GRID2: variants seen among roughly 807,000 people sequenced by gnomAD.
GRID2 encodes the protein glutamate receptor ionotropic, delta-2.
In GRID2, 33 loss-of-function variants were observed where a neutral mutation model predicts 114.8. The observed-to-expected ratio is 0.29, with a 90% CI of 0.22 to 0.38. The LOEUF (loss-of-function observed/expected upper bound fraction) is 0.38, where lower values mean the gene tolerates loss of function less well. Among genes scored for constraint, GRID2 ranks in the 10% least tolerant of loss-of-function variants. GRID2 has a pLI of 1.00. For missense variants in GRID2, 1,184 were observed against 1,257.7 expected, an observed-to-expected ratio of 0.94 and a Z score of 0.89; for synonymous variants, 505 against 449.9, an observed-to-expected ratio of 1.12 and a Z score of -1.55.
At chr4:92,430,539 T>A (rs1187703589) in intron 1 of GRID2, among the ~76,000 whole-genome samples, 1 of 152,108 alleles carries the variant, frequency 6.6e-6, no homozygotes, top group African/African-American at 2.4e-5. Context: ...AGTCAGGTGA[T>A]GTGATTTTTA....
intron 11 of GRID2, among the ~76,000 whole-genome samples, chr4:93,470,446 G>A (rs1269914449): frequency 6.6e-6 from 1 of 152,118 alleles, no homozygotes; most frequent in Non-Finnish European, 1.5e-5. Flanking sequence ...TGACAGCGAT[G>A]CAATTTAATC....
intron 2 of GRID2, among the ~76,000 whole-genome samples, chr4:92,728,850 A>G (rs961576312): frequency 4.1e-5 from 6 of 146,834 alleles, no homozygotes; most frequent in African/African-American, 1.2e-4. Flanking sequence ...GAAGATGAGC[A>G]TACAAAGATA....
At chr4:92,387,336 T>C (rs533447530) in intron 1 of GRID2, among the ~76,000 whole-genome samples, 25 of 152,130 alleles carry the variant, frequency 1.6e-4, no homozygotes, top group African/African-American at 6.0e-4. Flanking sequence ...TTTTATTGTG[T>C]CTAAGAGATG....
At chr4:93,291,767 G>A (rs1387051423) in intron 8 of GRID2, among the ~76,000 whole-genome samples, 2 of 151,778 alleles carry the variant, frequency 1.3e-5, no homozygotes, top group Non-Finnish European at 2.9e-5. Flanking sequence ...GTGTGCACGT[G>A]TTTTCTTTTT....
At chr4:92,978,318 T>A (rs1434567764) in intron 2 of GRID2, among the ~76,000 whole-genome samples, 2 of 151,276 alleles carry the variant, frequency 1.3e-5, no homozygotes, top group Non-Finnish European at 3.0e-5. Flanking sequence ...TTTTCCACAG[T>A]TTGATTTCTA....
chr4:93,164,027 C>G (rs1738012533), intron 4 of GRID2, among the ~76,000 whole-genome samples: 1 of 151,968 alleles, frequency 6.6e-6, no homozygotes, highest in South Asian at 2.1e-4. Context: ...AGTTAGTTCT[C>G]TTTATCCATG....
intron 4 of GRID2, among the ~76,000 whole-genome samples, chr4:93,124,924 A>G (rs1734134459): frequency 6.6e-6 from 1 of 152,178 alleles, no homozygotes; most frequent in Non-Finnish European, 1.5e-5. Flanking sequence ...TCATGAACAT[A>G]GAGGTCCTTT....
intron 8 of GRID2, among the ~76,000 whole-genome samples, chr4:93,252,329 A>ATTTTTTTTTTTT (rs56056248): frequency 8.4e-6 from 1 of 119,760 alleles, no homozygotes; most frequent in African/African-American, 3.2e-5. Flanking sequence ...GGAATCCTTC[A>ATTTTTTTTTTTT]TTTTTTTTTT....
intron 2 of GRID2, among the ~76,000 whole-genome samples, chr4:92,802,528 C>T (rs555146272): frequency 6.6e-6 from 1 of 151,942 alleles, no homozygotes; most frequent in East Asian, 1.9e-4. Context: ...ATATCATAAT[C>T]ATTGTTGCTG....
At chr4:93,104,808 T>C (rs1732044525) in intron 3 of GRID2, among the ~76,000 whole-genome samples, 1 of 152,204 alleles carries the variant, frequency 6.6e-6, no homozygotes, top group African/African-American at 2.4e-5. Context: ...TTTACAGTCC[T>C]TTGGGTATAT....
intron 13 of GRID2, among the ~76,000 whole-genome samples, chr4:93,535,078 AT>A (rs1017737828): frequency 1.1e-4 from 16 of 151,526 alleles, no homozygotes; most frequent in Non-Finnish European, 2.2e-4. Context: ...TATGAGTTTA[AT>A]TTTTTTTAGA....
At position 92,523,741 on chromosome 4, in the gene GRID2, G is replaced by A. The variant is rs555989905; in HGVS notation, c.89-66390G>A. Among the ~76,000 whole-genome samples, 382 of 152,142 alleles carry A rather than the reference G, an allele frequency of 2.5e-3. 3 individuals are homozygous for A. Among genetic ancestry groups the A allele is most frequent in the Non-Finnish European group, 4.6e-3 (313 of 67,972 alleles). On this transcript the variant is annotated intron_variant, in intron 1 of 15. Coordinates refer to ENST00000282020, the MANE Select transcript of GRID2 (RefSeq NM_001510.4). ...CAGAGGGACGCAGGTGGAAGTAGAA[G>A]GACACAGAAGTGGGCTGTGTACAGA...
At chr4:93,728,869 C>A (rs1359323402) in intron 14 of GRID2, among the ~76,000 whole-genome samples, 5 of 152,000 alleles carry the variant, frequency 3.3e-5, no homozygotes, top group Admixed American at 2.0e-4. Flanking sequence ...TTATTTTGAG[C>A]CTATGTGTGT....
At chr4:93,679,610 C>G (rs1056868058) in intron 14 of GRID2, among the ~76,000 whole-genome samples, 2 of 150,980 alleles carry the variant, frequency 1.3e-5, no homozygotes, top group Non-Finnish European at 2.9e-5. Context: ...AACTAGAACT[C>G]AGGATTAAGA....
intron 14 of GRID2, among the ~76,000 whole-genome samples, chr4:93,713,978 G>A (rs1392819042): frequency 6.6e-6 from 1 of 151,956 alleles, no homozygotes; most frequent in Non-Finnish European, 1.5e-5. Context: ...TGCAGGATGT[G>A]CAGGTTTGTT....
At chr4:93,075,098 T>C (rs1261074021) in intron 2 of GRID2, among the ~76,000 whole-genome samples, 1 of 152,220 alleles carries the variant, frequency 6.6e-6, no homozygotes, top group Non-Finnish European at 1.5e-5. Flanking sequence ...TGTGACTATA[T>C]TCTAACCCAT....
Position 92,863,792 on chromosome 4 carries a change from C to T in GRID2, c.245-221203C>T, listed in dbSNP as rs567699366. ...TGTTAGGTCACCATGGAAGGAACAT[C>T]ATTGAAGTCAGTCAGTGTAGTTATG... On this transcript the variant is annotated intron_variant, in intron 2 of 15. Coordinates refer to ENST00000282020, the MANE Select transcript of GRID2 (RefSeq NM_001510.4). 6.2e-4 allele frequency among the ~76,000 whole-genome samples: 94 copies of T among 152,200 alleles called. 1 individual carries two copies. Among genetic ancestry groups the T allele is most frequent in the Admixed American group, 5.8e-3 (89 of 15,278 alleles).
At chr4:93,633,363 C>CT (rs890310698) in intron 14 of GRID2, among the ~76,000 whole-genome samples, 14 of 151,794 alleles carry the variant, frequency 9.2e-5, no homozygotes, top group African/African-American at 3.4e-4. Flanking sequence ...AACATTAGAT[C>CT]TTTTTACCTC....
intron 14 of GRID2, among the ~76,000 whole-genome samples, chr4:93,668,453 A>G (rs1724130420): frequency 6.6e-6 from 1 of 151,904 alleles, no homozygotes; most frequent in Non-Finnish European, 1.5e-5. Flanking sequence ...TTCCATCTGT[A>G]ATATGCTATT....
Sources: allele counts gnomAD v4.1 joint callset (sites outside exome capture counted in the v4.1 genomes callset), GRCh38; gene constraint gnomAD v4.1.1; transcripts MANE v1.5; gene names NCBI Gene and HGNC (gene_info 2026-07-23, HGNC 2026-07-21).